The following ACTR3C variants were observed in gnomAD, a reference collection of about 807,000 sequenced individuals.
ACTR3C encodes actin related protein 3C, also known as actin-related protein 3C.
Under a neutral mutation model 26.3 loss-of-function variants are expected in ACTR3C, and 18 were observed. The ratio of observed to expected loss-of-function variants is 0.68; its 90% CI spans 0.47 to 1.01. ACTR3C has a LOEUF of 1.01. Ranked by LOEUF, ACTR3C falls within the 50% of genes least tolerant of loss-of-function variation. ACTR3C has a pLI of 0.00. For missense variants in ACTR3C, 184 were observed against 250.7 expected, an observed-to-expected ratio of 0.73 and a Z score of 1.80; for synonymous variants, 55 against 94.5, an observed-to-expected ratio of 0.58 and a Z score of 2.42.
chr7:150,246,137 A>C (rs1832452080), downstream of ACTR3C: 1 of 152,070 alleles, frequency 6.6e-6, no homozygotes, highest in Admixed American at 6.5e-5. Context: ...TGTCATTTGG[A>C]TTCTATAGAA....
the ACTR3C span, among the ~76,000 whole-genome samples, chr7:150,071,169 G>T: frequency 1.3e-5 from 2 of 151,494 alleles, no homozygotes; most frequent in South Asian, 2.1e-4. Flanking sequence ...TGTCACCCAG[G>T]CTGGAGTACA....
At chr7:149,993,829 A>T in the ACTR3C span, among the ~76,000 whole-genome samples, 1 of 152,176 alleles carries the variant, frequency 6.6e-6, no homozygotes, top group Non-Finnish European at 1.5e-5. Context: ...CAGAATGGGG[A>T]TATTACCCCA....
At chr7:150,323,241 G>C (rs1465300176) in intron 1 of ACTR3C, 2 of 240,280 alleles carry the variant, frequency 8.3e-6, no homozygotes, top group African/African-American at 4.8e-5. Flanking sequence ...CTGCGAGGCG[G>C]GGGGTGCGCG....
intron 1 of ACTR3C, among the ~76,000 whole-genome samples, chr7:150,304,947 C>T (rs550975886): frequency 6.6e-6 from 1 of 152,306 alleles, no homozygotes; most frequent in South Asian, 2.1e-4. Flanking sequence ...CGAGTACTGG[C>T]TCTGGAAGCC....
chr7:150,317,998 T>A lies in ACTR3C; in HGVS notation c.-52+5471A>T, dbSNP rs186527653. 3.0e-4 allele frequency among the ~76,000 whole-genome samples: 45 copies of A among 152,220 alleles called. No homozygotes were observed. In the East Asian group the frequency reaches 8.3e-3, roughly 28 times the overall value. ...CTTTATAGGACAGGGCTTGTTTTAGTAGATTTGGGGGAGGTTGCAAGAAAA... is the reference window on the plus strand; with the variant it reads ...CTTTATAGGACAGGGCTTGTTTTAGAAGATTTGGGGGAGGTTGCAAGAAAA... On this transcript the variant is annotated intron_variant, in intron 1 of 7. Transcript: ENST00000683684.
At chr7:150,200,377 A>G in the ACTR3C span, among the ~76,000 whole-genome samples, 1 of 152,362 alleles carries the variant, frequency 6.6e-6, no homozygotes, top group East Asian at 1.9e-4. Context: ...GGTGGTAAAT[A>G]CACTGCAATG....
chr7:149,975,233 A>G, the ACTR3C span, among the ~76,000 whole-genome samples: 1 of 152,222 alleles, frequency 6.6e-6, no homozygotes, highest in African/African-American at 2.4e-5. Context: ...TTTAGAAATC[A>G]ATAACAGATG....
At chr7:150,227,091 A>G in the ACTR3C span, among the ~76,000 whole-genome samples, 1 of 149,908 alleles carries the variant, frequency 6.7e-6, no homozygotes, top group Non-Finnish European at 1.5e-5. Context: ...TAATCAAGCT[A>G]ATTAACACAT....
At chr7:149,914,305 A>G in the ACTR3C span, among the ~76,000 whole-genome samples, 1 of 152,086 alleles carries the variant, frequency 6.6e-6, no homozygotes, top group Non-Finnish European at 1.5e-5. Context: ...GAAGTAGTGA[A>G]AAAAGGCCAG....
chr7:150,227,688 G>GTGTTTTTTTTTTT, the ACTR3C span, among the ~76,000 whole-genome samples: 38 of 111,372 alleles, frequency 3.4e-4, no homozygotes, highest in East Asian at 2.1e-3. Context: ...TTGTGTCTGG[G>GTGTTTTTTTTTTT]TTTTTTTTTT....
At chr7:150,148,478 G>A in the ACTR3C span, among the ~76,000 whole-genome samples, 2 of 151,576 alleles carry the variant, frequency 1.3e-5, no homozygotes, top group Non-Finnish European at 2.9e-5. Context: ...CACTGTCTCG[G>A]GCGGAAAAAA....
At chr7:150,002,215 T>G in the ACTR3C span, 2 of 152,182 alleles carry the variant, frequency 1.3e-5, no homozygotes, top group Non-Finnish European at 2.9e-5. Flanking sequence ...AGGTAAGAAA[T>G]GAGAATTTTA....
At chr7:150,137,739 TTGGAA>T in the ACTR3C span, among the ~76,000 whole-genome samples, 10 of 152,126 alleles carry the variant, frequency 6.6e-5, no homozygotes, top group Non-Finnish European at 1.3e-4. Context: ...AGAAAACACA[TTGGAA>T]TTGGGTCTTG....
the ACTR3C span, among the ~76,000 whole-genome samples, chr7:150,082,327 G>A: frequency 1.3e-5 from 2 of 152,130 alleles, no homozygotes; most frequent in Admixed American, 6.5e-5. Flanking sequence ...CCTTTCTCCT[G>A]CTTTTTACAC....
chr7:150,036,029 A>G, the ACTR3C span, among the ~76,000 whole-genome samples: 3 of 120,686 alleles, frequency 2.5e-5, 1 homozygote, highest in Non-Finnish European at 5.3e-5. Flanking sequence ...GGGTCCTAAG[A>G]GCAAAGGTGG....
the ACTR3C span, among the ~76,000 whole-genome samples, chr7:150,003,504 GCA>G: frequency 6.6e-6 from 1 of 151,428 alleles, no homozygotes; most frequent in South Asian, 2.1e-4. Context: ...AGGATGTGTG[GCA>G]TGCGGTGTGG....
At chr7:150,042,760 G>GC in the ACTR3C span, among the ~76,000 whole-genome samples, 40 of 151,230 alleles carry the variant, frequency 2.6e-4, 1 homozygote, top group African/African-American at 6.6e-4. Flanking sequence ...CCATCCTTTA[G>GC]AAACCTGTCT....
the ACTR3C span, among the ~76,000 whole-genome samples, chr7:150,111,896 C>T: frequency 1.1e-4 from 17 of 151,644 alleles, no homozygotes; most frequent in Admixed American, 1.1e-3. Flanking sequence ...ACTCCCGGCG[C>T]GCTGGCCCGC....
chr7:150,087,168 G>A, the ACTR3C span, among the ~76,000 whole-genome samples: 3 of 103,704 alleles, frequency 2.9e-5, no homozygotes, highest in South Asian at 3.2e-4. Context: ...CTAGAACAAA[G>A]ACCTGAATTT....
Sources: gnomAD v4.1 joint callset for allele counts (sites outside exome capture counted in the v4.1 genomes callset) on GRCh38, gnomAD v4.1.1 for gene constraint, MANE v1.5 for transcripts, NCBI Gene and HGNC (gene_info 2026-07-23, HGNC 2026-07-21) for gene names.